Variants in LSAMP observed in about 807,000 individuals in gnomAD.
LSAMP encodes limbic system-associated membrane protein.
Under a neutral mutation model 38.6 loss-of-function variants are expected in LSAMP, and 7 were observed. The ratio of observed to expected loss-of-function variants is 0.18; its 90% confidence interval spans 0.10 to 0.34. The LOEUF (loss-of-function observed/expected upper bound fraction) is 0.34. Among genes scored for constraint, LSAMP ranks in the 10% least tolerant of loss-of-function variants. The pLI is 1.00. For missense variants in LSAMP, 313 were observed against 420.0 expected (o/e 0.75, Z 2.23); for synonymous variants, 154 against 166.8 (o/e 0.92, Z 0.59).
chr3:116,354,845 A>ATGTGTGTGTGTGTG (rs56975134), intron 1 of LSAMP, among the ~76,000 whole-genome samples: 37 of 146,426 alleles, frequency 2.5e-4, no homozygotes, highest in African/African-American at 8.8e-4. Context: ...GGGTGTATAT[A>ATGTGTGTGTGTGTG]TGTGTGTGTG....
chr3:116,084,552 A>G (rs761838165), intron 2 of LSAMP, among the ~76,000 whole-genome samples: 8 of 152,060 alleles, frequency 5.3e-5, no homozygotes, highest in Non-Finnish European at 1.2e-4. Context: ...TATTCCCTGA[A>G]CTGTCTTGTG....
chr3:115,979,254 A>G (rs1168429013), intron 3 of LSAMP, among the ~76,000 whole-genome samples: 1 of 147,752 alleles, frequency 6.8e-6, no homozygotes, highest in African/African-American at 2.6e-5. Context: ...CATCAACCCT[A>G]GAACAATTAG....
intron 1 of LSAMP, among the ~76,000 whole-genome samples, chr3:116,236,965 C>CAT (rs71618785): frequency 3.3e-5 from 2 of 61,022 alleles, no homozygotes; most frequent in South Asian, 8.8e-4. Context: ...TATATATATG[C>CAT]ATATATATAC....
intron 4 of LSAMP, among the ~76,000 whole-genome samples, chr3:115,844,699 G>A (rs907761539): frequency 2.1e-4 from 32 of 152,238 alleles, no homozygotes; most frequent in Admixed American, 1.7e-3. Flanking sequence ...TGTTGGGGCT[G>A]GGCATGATGG....
chr3:116,380,526 C>G (rs1432027152), intron 1 of LSAMP, among the ~76,000 whole-genome samples: 1 of 151,982 alleles, frequency 6.6e-6, no homozygotes, highest in Non-Finnish European at 1.5e-5. Flanking sequence ...TACCCCACTC[C>G]CCTGCCACTG....
chr3:115,822,857 G>A (rs1230706749), intron 6 of LSAMP, among the ~76,000 whole-genome samples: 2 of 152,174 alleles, frequency 1.3e-5, no homozygotes, highest in African/African-American at 2.4e-5. Flanking sequence ...CTTCTTTATA[G>A]TTGTCTGTGA....
At chr3:116,274,408 GT>G (rs1423779244) in intron 1 of LSAMP, among the ~76,000 whole-genome samples, 1 of 152,082 alleles carries the variant, frequency 6.6e-6, no homozygotes, top group African/African-American at 2.4e-5. Flanking sequence ...TGTTTCAAAT[GT>G]TATCTGACTG....
In LSAMP at chr3:116,007,753, C is replaced by T. The variant is rs1379688289; in HGVS notation, c.514+11762G>A. On this transcript the variant is annotated intron_variant, in intron 3 of 6. Coordinates refer to ENST00000490035, the MANE Select transcript of LSAMP (RefSeq NM_002338.5). ...AATCTCAAATGCTCCTATATTTGTG[C>T]TTGGTAGAAACAGTATACAACCTTG... is the stretch of plus-strand genomic sequence containing the variant. Among the ~76,000 whole-genome samples the T allele has an allele frequency of 2.6e-5, 4 of 152,078 alleles. No homozygotes were observed. In the East Asian group the frequency reaches 7.7e-4, roughly 29 times the overall value.
At chr3:116,120,406 A>G (rs1054644298) in intron 1 of LSAMP, among the ~76,000 whole-genome samples, 1 of 152,024 alleles carries the variant, frequency 6.6e-6, no homozygotes, top group South Asian at 2.1e-4. Flanking sequence ...AAGGAATGAA[A>G]GAAGGAGGGA....
intron 2 of LSAMP, among the ~76,000 whole-genome samples, chr3:116,055,971 T>C (rs897012984): frequency 4.0e-5 from 6 of 150,450 alleles, no homozygotes; most frequent in African/African-American, 1.2e-4. Flanking sequence ...GCTTTTTTTT[T>C]CCCCCAGCTC....
At chr3:116,248,294 G>T (rs139623554) in intron 1 of LSAMP, among the ~76,000 whole-genome samples, 4 of 152,258 alleles carry the variant, frequency 2.6e-5, no homozygotes, top group African/African-American at 9.6e-5. Context: ...GATTTTAACA[G>T]CTAGAAAAGG....
chr3:115,958,846 T>G (rs1938536965), intron 3 of LSAMP, among the ~76,000 whole-genome samples: 1 of 152,184 alleles, frequency 6.6e-6, no homozygotes, highest in Non-Finnish European at 1.5e-5. Flanking sequence ...ATGATACAAC[T>G]TTCCCCCTTG....
At chr3:115,996,278 C>T (rs895857538) in intron 3 of LSAMP, among the ~76,000 whole-genome samples, 3 of 151,998 alleles carry the variant, frequency 2.0e-5, no homozygotes, top group African/African-American at 7.2e-5. Context: ...ACACATTGAA[C>T]ATTTACTACA....
chr3:115,968,423 G>A, intron 3 of LSAMP, among the ~76,000 whole-genome samples: 1 of 152,078 alleles, frequency 6.6e-6, no homozygotes, highest in Non-Finnish European at 1.5e-5. Context: ...AATCCTGCTA[G>A]GACTGGGTCC....
chr3:116,402,203 A>G (rs1252171164), intron 1 of LSAMP, among the ~76,000 whole-genome samples: 3 of 152,220 alleles, frequency 2.0e-5, no homozygotes, highest in African/African-American at 7.2e-5. Context: ...TTAGGGCTAA[A>G]GACCAATTTA....
chr3:115,841,575 T>G (rs1934996588), intron 6 of LSAMP: 1 of 305,748 alleles, frequency 3.3e-6, no homozygotes, highest in African/African-American at 2.1e-5. Context: ...ATTATTTCAT[T>G]TAACTAACCA....
At chr3:116,315,042 A>G (rs557714988) in intron 1 of LSAMP, among the ~76,000 whole-genome samples, 111 of 152,290 alleles carry the variant, frequency 7.3e-4, no homozygotes, top group African/African-American at 2.5e-3. Context: ...TTTTGCTTCA[A>G]TACTGTGCTC....
chr3:115,937,354 G>A (rs1055635182), intron 3 of LSAMP, among the ~76,000 whole-genome samples: 1 of 152,086 alleles, frequency 6.6e-6, no homozygotes, highest in African/African-American at 2.4e-5. Context: ...GAAATGTAAT[G>A]TCTTGGCCAG....
At chr3:115,869,269 G>GGGGAGA (rs1352019629) in intron 3 of LSAMP, among the ~76,000 whole-genome samples, 1 of 128,452 alleles carries the variant, frequency 7.8e-6, no homozygotes, top group Admixed American at 9.0e-5. Context: ...TCTTGGAGGG[G>GGGGAGA]GAGAGAGAGA....
Sources: allele counts gnomAD v4.1 joint callset (sites outside exome capture counted in the v4.1 genomes callset), GRCh38; gene constraint gnomAD v4.1.1; transcripts MANE v1.5; gene names NCBI Gene and HGNC (gene_info 2026-07-23, HGNC 2026-07-21).